NPAS3: variants seen among roughly 807,000 people sequenced by gnomAD.
NPAS3 encodes neuronal PAS domain-containing protein 3.
NPAS3 carries 14 observed loss-of-function variants against 73.1 expected under a neutral mutation model. The ratio of observed to expected loss-of-function variants is 0.19; its 90% CI spans 0.13 to 0.30. NPAS3 has a LOEUF of 0.30. NPAS3 is among the 10% of genes least tolerant of loss of function. NPAS3 has a pLI of 1.00. For missense variants in NPAS3, 1,096 were observed against 1,250.0 expected, an observed-to-expected ratio of 0.88 and a Z score of 1.86; for synonymous variants, 620 against 541.5, an observed-to-expected ratio of 1.14 and a Z score of -2.01.
intron 5 of NPAS3, among the ~76,000 whole-genome samples, chr14:33,614,199 G>A (rs2057842664): frequency 6.6e-6 from 1 of 152,154 alleles, no homozygotes; most frequent in African/African-American, 2.4e-5. Flanking sequence ...AGTTATTCTT[G>A]ATTTGATTGA....
chr14:33,798,556 A>T (rs1282353173), intron 11 of NPAS3, among the ~76,000 whole-genome samples: 2 of 152,126 alleles, frequency 1.3e-5, no homozygotes, highest in Non-Finnish European at 2.9e-5. Context: ...TTTTCCTGAC[A>T]ACCCCCTTCT....
Position 33,410,680 on chromosome 14 carries a change from C to G in NPAS3, c.468+43412C>G, listed in dbSNP as rs562635973. Among the ~76,000 whole-genome samples the G allele has an allele frequency of 2.6e-5, 4 of 152,322 alleles. No homozygotes were observed. The South Asian group carries it at 8.3e-4, about 32-fold the overall frequency. ...GTTTTCCTTGAGATGGATGCTCACT[C>G]TGTCACCCAGGCTGGAGTGCAATGG... is the stretch of plus-strand genomic sequence containing the variant. On this transcript the variant is annotated intron_variant, in intron 4 of 11. Coordinates refer to ENST00000356141, the Ensembl canonical transcript of NPAS3.
chr14:33,012,061 G>T (rs2039222348), intron 1 of NPAS3, among the ~76,000 whole-genome samples: 1 of 140,644 alleles, frequency 7.1e-6, no homozygotes, highest in Non-Finnish European at 1.5e-5. Context: ...TGCTCAGGTT[G>T]AGTAAGGCCT....
chr14:33,301,322 A>ATTT (rs56242001), intron 3 of NPAS3, among the ~76,000 whole-genome samples: 1 of 99,690 alleles, frequency 1.0e-5, no homozygotes, highest in Non-Finnish European at 2.0e-5. Context: ...ATATATATAT[A>ATTT]TTTTTTTTTT....
At chr14:33,050,043 G>A (rs1184139270) in intron 1 of NPAS3, among the ~76,000 whole-genome samples, 1 of 152,126 alleles carries the variant, frequency 6.6e-6, no homozygotes, top group Non-Finnish European at 1.5e-5. Flanking sequence ...AGCGCTGAGG[G>A]AGTTCTGTAG....
intron 1 of NPAS3, among the ~76,000 whole-genome samples, chr14:33,026,313 C>T (rs2039800002): frequency 6.6e-6 from 1 of 152,196 alleles, no homozygotes. Flanking sequence ...TACCTCTTAT[C>T]TTGCTCACTT....
chr14:33,686,728 GCCC>G (rs2060099331), intron 6 of NPAS3, among the ~76,000 whole-genome samples: 1 of 152,136 alleles, frequency 6.6e-6, no homozygotes, highest in Non-Finnish European at 1.5e-5. Flanking sequence ...TGGCACCAGA[GCCC>G]CCATACTTAA....
chr14:33,378,713 C>G (rs907531027), intron 4 of NPAS3, among the ~76,000 whole-genome samples: 2 of 152,174 alleles, frequency 1.3e-5, no homozygotes, highest in African/African-American at 4.8e-5. Context: ...CTCAATGACT[C>G]ACGCCTTCTC....
intron 4 of NPAS3, among the ~76,000 whole-genome samples, chr14:33,385,044 A>G (rs2046719029): frequency 6.6e-6 from 1 of 152,188 alleles, no homozygotes; most frequent in African/African-American, 2.4e-5. Flanking sequence ...GTCATTGTGA[A>G]TTTATTACCA....
chr14:33,799,850 G>A (rs1262829497), exon 12 of NPAS3: 2 of 1,614,004 alleles, frequency 1.2e-6, no homozygotes, highest in South Asian at 2.2e-5. Context: ...GAACTGCAAC[G>A]ACGACGGCCA....
rs538643596 is a variant in NPAS3 at position 33,754,095 on chromosome 14, C to T, written c.852+18763C>T. Reference sequence around the variant, plus strand: ...CAGGAGAAACATCCTCTTGGAGGTGCCCCGCGACCCCACTGGGGTGGCGGC... The same window carrying T: ...CAGGAGAAACATCCTCTTGGAGGTGTCCCGCGACCCCACTGGGGTGGCGGC... On this transcript the variant is annotated intron_variant, in intron 7 of 11. Coordinates refer to ENST00000356141, the Ensembl canonical transcript of NPAS3. Among the ~76,000 whole-genome samples, 182 of 152,256 alleles carry T rather than the reference C, an allele frequency of 1.2e-3. 1 individual carries two copies. In the Middle Eastern group the frequency reaches 0.014, roughly 11 times the overall value.
intron 1 of NPAS3, among the ~76,000 whole-genome samples, chr14:32,958,823 C>A (rs1595090498): frequency 6.6e-6 from 1 of 152,134 alleles, no homozygotes; most frequent in Non-Finnish European, 1.5e-5. Flanking sequence ...GCAGGAAACA[C>A]ACTAAACTTT....
At chr14:33,529,441 A>G (rs144644640) in intron 4 of NPAS3, among the ~76,000 whole-genome samples, 140 of 152,172 alleles carry the variant, frequency 9.2e-4, no homozygotes, top group African/African-American at 3.3e-3. Flanking sequence ...GCTAGTCTGT[A>G]TAGACTGATA....
chr14:33,099,486 A>G (rs1272581341), intron 2 of NPAS3, among the ~76,000 whole-genome samples: 1 of 152,172 alleles, frequency 6.6e-6, no homozygotes, highest in Non-Finnish European at 1.5e-5. Flanking sequence ...AGGAAAAAAA[A>G]ATGTAGTTTG....
At chr14:33,261,631 G>A (rs1350437987) in intron 3 of NPAS3, among the ~76,000 whole-genome samples, 1 of 152,078 alleles carries the variant, frequency 6.6e-6, no homozygotes, top group African/African-American at 2.4e-5. Flanking sequence ...TAGGTATTCA[G>A]AATCTAAACC....
intron 3 of NPAS3, among the ~76,000 whole-genome samples, chr14:33,327,924 G>T (rs922531115): frequency 6.6e-6 from 1 of 152,082 alleles, no homozygotes; most frequent in Non-Finnish European, 1.5e-5. Context: ...CAGTAATCAG[G>T]TTTCTTTTTT....
At chr14:33,304,700 T>C (rs2042689105) in intron 3 of NPAS3, among the ~76,000 whole-genome samples, 1 of 152,136 alleles carries the variant, frequency 6.6e-6, no homozygotes, top group South Asian at 2.1e-4. Context: ...CTAAACAGTA[T>C]AATGAGCTAG....
chr14:33,794,117 T>C, intron 10 of NPAS3, 73 bp downstream of exon 10: 2 of 1,320,606 alleles, frequency 1.5e-6, no homozygotes, highest in Non-Finnish European at 1.1e-6. Flanking sequence ...CTATGGTTAA[T>C]AGCCGACATG....
chr14:33,341,582 G>A (rs527331273), intron 3 of NPAS3, among the ~76,000 whole-genome samples: 7 of 152,196 alleles, frequency 4.6e-5, no homozygotes, highest in Admixed American at 3.9e-4. Context: ...AGAGTGGGGC[G>A]ATCTGGGTAT....
Sources: gnomAD v4.1 joint callset for allele counts (sites outside exome capture counted in the v4.1 genomes callset) on GRCh38, gnomAD v4.1.1 for gene constraint, MANE v1.5 for transcripts, NCBI Gene and HGNC (gene_info 2026-07-23, HGNC 2026-07-21) for gene names.